Variants in EMB observed in about 807,000 individuals in gnomAD.
The protein encoded by EMB is embigin homolog.
A neutral mutation model predicts 41.4 loss-of-function variants in EMB; 31 were observed. The observed-to-expected ratio is 0.75, with a 90% CI of 0.56 to 1.01. The LOEUF is 1.01. EMB is among the 50% of genes least tolerant of loss of function. EMB has a pLI of 0.00. For missense variants in EMB, 379 were observed against 388.3 expected (o/e 0.98, Z 0.20); for synonymous variants, 137 against 140.4 (o/e 0.98, Z 0.17).
chr5:50,436,127 T>C (rs1449700945), intron 1 of EMB, among the ~76,000 whole-genome samples: 1 of 152,202 alleles, frequency 6.6e-6, no homozygotes, highest in Admixed American at 6.5e-5. Context: ...TAAGAATACA[T>C]GTGCACATAT....
At chr5:50,424,833 G>GC (rs960304264) in intron 2 of EMB, among the ~76,000 whole-genome samples, 2 of 151,806 alleles carry the variant, frequency 1.3e-5, no homozygotes, top group Admixed American at 1.3e-4. Flanking sequence ...GAATCATCCA[G>GC]CCCCAAACAT....
chr5:50,414,999 A>G (rs1416682272), intron 2 of EMB, among the ~76,000 whole-genome samples: 1 of 152,134 alleles, frequency 6.6e-6, no homozygotes, highest in Non-Finnish European at 1.5e-5. Flanking sequence ...CCTCCACTGA[A>G]GTCGTTTTTT....
chr5:50,440,916 A>C (rs926888115), intron 1 of EMB, 124 bp downstream of exon 1: 1 of 580,210 alleles, frequency 1.7e-6, no homozygotes, highest in East Asian at 3.5e-5. Flanking sequence ...ACCCGCCCTT[A>C]CCAGCATCCC....
intron 7 of EMB, among the ~76,000 whole-genome samples, chr5:50,400,616 G>C: frequency 6.6e-6 from 1 of 151,902 alleles, no homozygotes; most frequent in East Asian, 1.9e-4. Context: ...TGCAAGAAAT[G>C]GTTTGAGGGA....
At chr5:50,420,928 A>G (rs1160805074) in intron 2 of EMB, among the ~76,000 whole-genome samples, 1 of 152,182 alleles carries the variant, frequency 6.6e-6, no homozygotes, top group Non-Finnish European at 1.5e-5. Context: ...TGTCTCACAC[A>G]GTTGACTCAT....
intron 2 of EMB, among the ~76,000 whole-genome samples, chr5:50,425,505 CA>C (rs201529710): frequency 9.9e-4 from 149 of 149,852 alleles, no homozygotes; most frequent in African/African-American, 3.5e-3. Flanking sequence ...AGGAAAAAAA[CA>C]AAAAAAATAT....
chr5:50,422,016 G>A (rs537534881), intron 2 of EMB, among the ~76,000 whole-genome samples: 1 of 152,108 alleles, frequency 6.6e-6, no homozygotes, highest in African/African-American at 2.4e-5. Flanking sequence ...TGCACGTTGT[G>A]CACATGTACC....
upstream of EMB, among the ~76,000 whole-genome samples, chr5:50,442,514 T>TAC (rs34576878): frequency 0.55 from 82,510 of 150,788 alleles, 24,643 homozygotes; most frequent in African/African-American, 0.81. Flanking sequence ...TGCACACATG[T>TAC]ACACACACAC....
intron 2 of EMB, among the ~76,000 whole-genome samples, chr5:50,426,406 A>G (rs1745611151): frequency 6.6e-6 from 1 of 152,258 alleles, no homozygotes; most frequent in South Asian, 2.1e-4. Flanking sequence ...AATTAGCAAT[A>G]TTTTAAAAAT....
intron 1 of EMB, among the ~76,000 whole-genome samples, chr5:50,429,498 T>C (rs1745678546): frequency 6.6e-6 from 1 of 152,198 alleles, no homozygotes; most frequent in African/African-American, 2.4e-5. Context: ...ACATTGCTTT[T>C]ACAATATCGC....
chr5:50,401,608 TG>T (rs1354497738), intron 7 of EMB, among the ~76,000 whole-genome samples: 2 of 152,008 alleles, frequency 1.3e-5, no homozygotes, highest in Non-Finnish European at 2.9e-5. Context: ...CTCCCATCTT[TG>T]CCAAACTAAA....
chr5:50,409,120 G>A (rs1447296611), intron 4 of EMB, among the ~76,000 whole-genome samples: 2 of 152,070 alleles, frequency 1.3e-5, no homozygotes, highest in Admixed American at 1.3e-4. Context: ...CCTAGGCCTT[G>A]GGTCAGCGCT....
chr5:50,412,353 A>G (rs7729211), intron 2 of EMB, among the ~76,000 whole-genome samples: 30,208 of 151,934 alleles, frequency 0.2, 3,079 homozygotes, highest in East Asian at 0.29. Flanking sequence ...AGTTCCTAAA[A>G]TAGCTACTCT....
At chr5:50,429,548 T>C (rs541394005) in intron 1 of EMB, among the ~76,000 whole-genome samples, 2 of 152,200 alleles carry the variant, frequency 1.3e-5, no homozygotes, top group African/African-American at 2.4e-5. Context: ...AACTCTCCAA[T>C]AGGCTGTGTT....
In EMB at chr5:50,396,395, AAGAG is replaced by A. The variant is rs1421598122; in HGVS notation, c.*2874_*2877del. The A allele has an allele frequency of 2.6e-5, 4 of 152,146 alleles. No individual in the cohort carries two copies. Among genetic ancestry groups the A allele is most frequent in the Non-Finnish European group, 4.4e-5 (3 of 68,024 alleles). 9.4% of individuals were successfully genotyped at this position (152,146 alleles called of 1,614,324 possible). A position where few individuals can be genotyped will look rare whatever the true frequency, so the allele number is the denominator to read the frequency against. ...ACAGGACAAAGAAACAAAATAATCC[AAGAG>A]AGAGACCAACAAATGTATATTTATA... is the stretch of plus-strand genomic sequence containing the variant. On this transcript the variant is annotated 3_prime_UTR_variant, in exon 9 of 9. Transcript: ENST00000303221.
intron 2 of EMB, among the ~76,000 whole-genome samples, chr5:50,416,741 C>T (rs1374015745): frequency 6.6e-6 from 1 of 152,060 alleles, no homozygotes; most frequent in African/African-American, 2.4e-5. Flanking sequence ...TGACTCTGGA[C>T]CAGATTGAAG....
intron 1 of EMB, among the ~76,000 whole-genome samples, chr5:50,429,283 G>A (rs1200631050): frequency 2.0e-5 from 3 of 151,984 alleles, no homozygotes; most frequent in Admixed American, 2.0e-4. Context: ...GTCAGAGAAG[G>A]GGGAAAAAAA....
intron 1 of EMB, among the ~76,000 whole-genome samples, chr5:50,433,315 G>A (rs1376481150): frequency 6.6e-6 from 1 of 150,834 alleles, no homozygotes; most frequent in Non-Finnish European, 1.5e-5. Context: ...AAACCAGATG[G>A]TATAGGAATG....
chr5:50,428,641 TA>T lies in EMB; in HGVS notation c.113-415del, dbSNP rs760535557. On this transcript the variant is annotated intron_variant, in intron 1 of 8. Coordinates refer to ENST00000303221, the MANE Select transcript of EMB (RefSeq NM_198449.3). ...ACAGGCAGACCTTAATAAAGAGAATTAAAAAAAAAAATAGATAGCACTGGGC... is the reference window on the plus strand; with the variant it reads ...ACAGGCAGACCTTAATAAAGAGAATTAAAAAAAAAATAGATAGCACTGGGC... 5,066 of 709,904 alleles carry T rather than the reference TA, an allele frequency of 7.1e-3. 1 individual carries two copies. Among genetic ancestry groups the T allele is most frequent in the East Asian group, 0.012 (93 of 7,516 alleles). The allele number at this position is 709,904 out of a possible 1,614,324, so 44.0% of individuals were successfully genotyped here. A position where few individuals can be genotyped will look rare whatever the true frequency, so the allele number is the denominator to read the frequency against.
Sources: allele counts gnomAD v4.1 joint callset (sites outside exome capture counted in the v4.1 genomes callset), GRCh38; gene constraint gnomAD v4.1.1; transcripts MANE v1.5; gene names NCBI Gene and HGNC (gene_info 2026-07-23, HGNC 2026-07-21).